Variants in CARS2 observed in about 807,000 individuals in gnomAD.
CARS2 encodes probable cysteine--tRNA ligase, mitochondrial.
In CARS2, 52 loss-of-function variants were observed where a neutral mutation model predicts 68.8. The observed-to-expected ratio is 0.76, with a 90% CI of 0.61 to 0.95. CARS2 has a LOEUF of 0.95. Ranked by LOEUF, CARS2 falls within the 40% of genes least tolerant of loss-of-function variation. CARS2 has a pLI of 0.00. For missense variants in CARS2, 780 were observed against 754.2 expected (o/e 1.03, Z -0.40); for synonymous variants, 314 against 303.6 (o/e 1.03, Z -0.36).
At chr13:110,644,691 C>T in intron 12 of CARS2, 2 of 794,202 alleles carry the variant, frequency 2.5e-6, no homozygotes, top group East Asian at 3.0e-5. Flanking sequence ...TCTTGTGCCT[C>T]AGTTTACCCA....
chr13:110,688,236 T>C (rs1331128410), intron 3 of CARS2, among the ~76,000 whole-genome samples: 2 of 151,232 alleles, frequency 1.3e-5, no homozygotes, highest in Admixed American at 1.3e-4. Context: ...AAAGGCTTAT[T>C]GACCTTGTCT....
At chr13:110,691,315 C>T (rs896383194) in intron 3 of CARS2, among the ~76,000 whole-genome samples, 9 of 152,132 alleles carry the variant, frequency 5.9e-5, no homozygotes, top group African/African-American at 1.4e-4. Flanking sequence ...CGTGCCAGGC[C>T]GGAAGTATTT....
Position 110,676,724 on chromosome 13 carries a change from G to T in CARS2, c.785+250C>A, listed in dbSNP as rs2062961328. Among the ~76,000 whole-genome samples, 1 of 152,158 alleles carries T rather than the reference G, an allele frequency of 6.6e-6. No individual in the cohort carries two copies. The highest frequency in any genetic ancestry group is 2.4e-5 in the African/African-American group (1 of 41,426). The stretch of plus-strand genomic sequence containing the variant: ...AGAAGGGTGAGGGAACAGGGCAGCT[G>T]CAAGTGTGAACCAAAAAGCAGCCTC... On this transcript the variant is annotated intron_variant, in intron 7 of 14. Coordinates refer to ENST00000257347, the MANE Select transcript of CARS2 (RefSeq NM_024537.4). This position sits in a 1 kb window ranked among gnomAD's most constrained non-coding sequence, Gnocchi z 4.0.
intron 8 of CARS2, chr13:110,666,041 T>G: frequency 1.0e-6 from 1 of 985,202 alleles, no homozygotes; most frequent in Non-Finnish European, 1.2e-6. Context: ...CCCCACTATC[T>G]GGGCTCCCAG....
At chr13:110,713,425 G>C in exon 1 of CARS2, 4 of 1,003,796 alleles carry the variant, frequency 4.0e-6, no homozygotes, top group Non-Finnish European at 4.8e-6. Flanking sequence ...CTGCCTCCAA[G>C]TGCCAAAAAC....
chr13:110,644,652 AC>A, intron 12 of CARS2, 169 bp from the exon 13 acceptor site: 2 of 1,164,588 alleles, frequency 1.7e-6, no homozygotes, highest in Non-Finnish European at 2.3e-6. Flanking sequence ...CTCACTGCAG[AC>A]CATACAACTA....
chr13:110,644,299 G>A, intron 13 of CARS2, 86 bp downstream of exon 13: 1 of 1,400,424 alleles, frequency 7.1e-7, no homozygotes, highest in African/African-American at 1.4e-5. Flanking sequence ...GCATCATAAT[G>A]CTCTATTCCA....
intron 1 of CARS2, chr13:110,712,543 G>C (rs1160161855): frequency 3.4e-6 from 1 of 290,700 alleles, no homozygotes; most frequent in Non-Finnish European, 6.8e-6. Context: ...GGGGGGGCCG[G>C]CGCGCGGGGC....
intron 6 of CARS2, among the ~76,000 whole-genome samples, chr13:110,678,636 C>A (rs1039084773): frequency 2.0e-5 from 3 of 152,158 alleles, no homozygotes; most frequent in Admixed American, 2.0e-4. Context: ...ACACCTTATG[C>A]CGAAGGAAAA....
In CARS2 at chr13:110,686,090, G is replaced by A. The variant is rs182547926; in HGVS notation, c.571+1631C>T. ...ATGCACACGCAGCACATGCCCTGGGGACAAGTGAGTATATTTAATACAGAG... is the reference window on the plus strand; with the variant it reads ...ATGCACACGCAGCACATGCCCTGGGAACAAGTGAGTATATTTAATACAGAG... On this transcript the variant is annotated intron_variant, in intron 5 of 14. Coordinates refer to ENST00000257347, the MANE Select transcript of CARS2 (RefSeq NM_024537.4). 3.9e-5 allele frequency among the ~76,000 whole-genome samples: 6 copies of A among 152,140 alleles called. No homozygotes were observed. The East Asian group carries it at 9.7e-4, about 24-fold the overall frequency.
rs1406886714 is a variant in CARS2 at position 110,701,452 on chromosome 13, T to C, written c.379A>G (p.Lys127Glu). The C allele has an allele frequency of 6.8e-7, 1 of 1,465,138 alleles. No homozygotes were observed. The allele number at this position is 1,465,138 out of a possible 1,614,324, so 90.8% of individuals were successfully genotyped here. The change falls in exon 3 of 15, where the codon AAA becomes GAA. Residue 127 changes from lysine to glutamate, a missense_variant. Transcript: ENST00000257347. ...TCTCCACTTACCTCATTGGCTCTTT[T>C]GATGATTTTATCATCTACATCTGTA... ...GITDVDDKIIKRANEMNISPA... is the reference protein window; with the variant it reads ...GITDVDDKIIERANEMNISPA...
Position 110,670,048 on chromosome 13 carries a change from C to T in CARS2, c.786-2575G>A, listed in dbSNP as rs1027750337. ...CATTGCTGAGGCTTGAGTAGGTAAA[C>T]AAAGTGTCCAGGAAGCTCGAACTGG... On this transcript the variant is annotated intron_variant, in intron 7 of 14. Coordinates refer to ENST00000257347, the MANE Select transcript of CARS2 (RefSeq NM_024537.4). This position sits in a 1 kb window ranked among gnomAD's most constrained non-coding sequence, Gnocchi z 4.1. Among the ~76,000 whole-genome samples the T allele has an allele frequency of 6.6e-6, 1 of 152,188 alleles. No homozygotes were observed. Among genetic ancestry groups the T allele is most frequent in the Admixed American group, 6.5e-5 (1 of 15,272 alleles).
At chr13:110,650,006 C>T (rs142938700) in intron 10 of CARS2, among the ~76,000 whole-genome samples, 2,115 of 145,414 alleles carry the variant, frequency 0.015, 50 homozygotes, top group African/African-American at 0.051. Flanking sequence ...GGTGCGATCT[C>T]AGCTCACTGC....
At chr13:110,651,249 A>G in intron 9 of CARS2, 149 bp from the exon 10 acceptor site, 1 of 568,298 alleles carries the variant, frequency 1.8e-6, no homozygotes. Flanking sequence ...CAAACTCACA[A>G]TTACCACCTG....
upstream of CARS2, among the ~76,000 whole-genome samples, chr13:110,710,379 T>C (rs2064017119): frequency 6.6e-6 from 1 of 152,146 alleles, no homozygotes; most frequent in Admixed American, 6.6e-5. Flanking sequence ...CAAGACTCCG[T>C]CTCAAAAAAA....
chr13:110,681,494 A>G (rs2063155465), intron 6 of CARS2, among the ~76,000 whole-genome samples: 2 of 152,174 alleles, frequency 1.3e-5, no homozygotes, highest in African/African-American at 4.8e-5. Context: ...CTTATTCCTC[A>G]CTGGTGGGGA....
At chr13:110,699,150 A>G (rs2063711425) in intron 3 of CARS2, among the ~76,000 whole-genome samples, 1 of 152,206 alleles carries the variant, frequency 6.6e-6, no homozygotes, top group South Asian at 2.1e-4. Context: ...TGGCACCTTG[A>G]TCTTGGTTTC....
chr13:110,704,442 T>C (rs915571359), intron 2 of CARS2, among the ~76,000 whole-genome samples: 3 of 152,244 alleles, frequency 2.0e-5, no homozygotes, highest in Admixed American at 6.5e-5. Flanking sequence ...ATACAGAGTA[T>C]GCCGGGCATG....
At chr13:110,662,120 G>A (rs1227862943) in intron 9 of CARS2, among the ~76,000 whole-genome samples, 1 of 152,250 alleles carries the variant, frequency 6.6e-6, no homozygotes, top group African/African-American at 2.4e-5. Flanking sequence ...TGCGAAGTGC[G>A]GTCAAGTGAA....
Sources: allele counts gnomAD v4.1 joint callset (sites outside exome capture counted in the v4.1 genomes callset), GRCh38; gene constraint gnomAD v4.1.1; non-coding constraint Gnocchi (gnomAD v3.1); transcripts MANE v1.5; gene names NCBI Gene and HGNC (gene_info 2026-07-23, HGNC 2026-07-21).